Variants in NEBL observed in about 807,000 individuals in gnomAD.
NEBL encodes LIM and SH3 protein 2.
A neutral mutation model predicts 140.2 loss-of-function variants in NEBL; 122 were observed. The ratio of observed to expected loss-of-function variants is 0.87; its 90% confidence interval spans 0.75 to 1.01. NEBL has a LOEUF of 1.01. Among genes scored for constraint, NEBL ranks in the 50% least tolerant of loss-of-function variants. The pLI is 0.00. For missense variants in NEBL, 1,365 were observed against 1,231.3 expected (o/e 1.11, Z -1.62); for synonymous variants, 436 against 398.9 (o/e 1.09, Z -1.11).
intron 2 of NEBL, chr10:21,029,453 G>C (rs1172992794): frequency 1.2e-5 from 20 of 1,611,480 alleles, no homozygotes; most frequent in Non-Finnish European, 1.5e-5. Context: ...TCCCTGCTCA[G>C]TGCCCTGAGT....
intron 3 of NEBL, among the ~76,000 whole-genome samples, chr10:21,229,631 A>G (rs1260329661): frequency 6.6e-6 from 1 of 152,188 alleles, no homozygotes; most frequent in African/African-American, 2.4e-5. Flanking sequence ...TATTTTCAAC[A>G]GTTTTTATTC....
chr10:20,828,765 C>CAGAGAG (rs10631047), intron 16 of NEBL, 131 bp from the exon 17 acceptor site: 4 of 598,770 alleles, frequency 6.7e-6, no homozygotes, highest in South Asian at 1.9e-5. Context: ...CTTACACTCC[C>CAGAGAG]AGAGAGAGAG....
chr10:21,229,746 G>A (rs1361826135), intron 3 of NEBL, among the ~76,000 whole-genome samples: 1 of 152,154 alleles, frequency 6.6e-6, no homozygotes, highest in Non-Finnish European at 1.5e-5. Flanking sequence ...TTTCAGTCAC[G>A]TCTCTGTAAC....
At chr10:21,031,187 T>C (rs1428621083) in intron 2 of NEBL, among the ~76,000 whole-genome samples, 2 of 151,970 alleles carry the variant, frequency 1.3e-5, no homozygotes, top group Non-Finnish European at 2.9e-5. Flanking sequence ...GTCACTAGGG[T>C]GGAGGCAGAG....
intron 3 of NEBL, among the ~76,000 whole-genome samples, chr10:20,979,088 G>C (rs1011775925): frequency 6.6e-6 from 1 of 152,122 alleles, no homozygotes. Flanking sequence ...AAGCAAGCTG[G>C]AGGATAAATA....
chr10:20,810,697 A>G lies in NEBL; in HGVS notation c.2519-799T>C, dbSNP rs147624038. Among the ~76,000 whole-genome samples, 300 of 152,352 alleles carry G rather than the reference A, an allele frequency of 2.0e-3. 1 individual carries two copies. Among genetic ancestry groups the G allele is most frequent in the African/African-American group, 7.0e-3 (291 of 41,582 alleles). Reference sequence around the variant, plus strand: ...CAACAAAAGGGCATCAGATCCTAAAATAAGCTGTTTACAGCTGTACCAACA... The same window carrying G: ...CAACAAAAGGGCATCAGATCCTAAAGTAAGCTGTTTACAGCTGTACCAACA... On this transcript the variant is annotated intron_variant, in intron 24 of 27. Coordinates refer to ENST00000377122, the MANE Select transcript of NEBL (RefSeq NM_006393.3).
At chr10:21,066,827 T>C (rs1397252399) in intron 2 of NEBL, among the ~76,000 whole-genome samples, 1 of 140,814 alleles carries the variant, frequency 7.1e-6, no homozygotes, top group East Asian at 2.1e-4. Flanking sequence ...TGTTCTGCGG[T>C]TTTTCTATTT....
intron 26 of NEBL, among the ~76,000 whole-genome samples, chr10:20,791,595 A>T (rs1328861306): frequency 6.6e-6 from 1 of 151,708 alleles, no homozygotes; most frequent in Non-Finnish European, 1.5e-5. Flanking sequence ...GGATCTTGCT[A>T]CATTGCCCAA....
At chr10:21,031,787 C>G (rs1833806070) in intron 2 of NEBL, among the ~76,000 whole-genome samples, 1 of 152,234 alleles carries the variant, frequency 6.6e-6, no homozygotes, top group Admixed American at 6.5e-5. Flanking sequence ...TCCTGGGCCT[C>G]CTTCACTCAC....
chr10:21,258,193 C>T (rs7905278), intron 1 of NEBL, among the ~76,000 whole-genome samples: 42,558 of 151,952 alleles, frequency 0.28, 7,972 homozygotes, highest in African/African-American at 0.53. Flanking sequence ...GAGGCTGAGG[C>T]GGGAGGATGG....
chr10:21,040,673 CT>C (rs965793819), intron 2 of NEBL, among the ~76,000 whole-genome samples: 26 of 149,960 alleles, frequency 1.7e-4, no homozygotes, highest in Middle Eastern at 3.4e-3. Flanking sequence ...AATCACATTT[CT>C]TTTTTTTTTC....
chr10:21,259,579 C>A (rs1564551273), intron 1 of NEBL, among the ~76,000 whole-genome samples: 2 of 152,288 alleles, frequency 1.3e-5, no homozygotes, highest in Middle Eastern at 6.8e-3. Flanking sequence ...CAAGCCCCAC[C>A]CTTACCCGTA....
intron 26 of NEBL, among the ~76,000 whole-genome samples, chr10:20,791,963 C>A (rs1430019595): frequency 6.6e-6 from 1 of 151,810 alleles, no homozygotes; most frequent in Non-Finnish European, 1.5e-5. Flanking sequence ...CTTTACAGAA[C>A]AAAATACAAC....
At chr10:20,983,873 A>T (rs1837149506) in intron 3 of NEBL, among the ~76,000 whole-genome samples, 1 of 152,238 alleles carries the variant, frequency 6.6e-6, no homozygotes, top group African/African-American at 2.4e-5. Flanking sequence ...ACTTTAGTTA[A>T]TCAAGTCCTA....
intron 3 of NEBL, among the ~76,000 whole-genome samples, chr10:21,237,983 C>T (rs1842382834): frequency 6.6e-6 from 1 of 152,170 alleles, no homozygotes; most frequent in South Asian, 2.1e-4. Flanking sequence ...ATCTATAAAC[C>T]TTTGAGCAAA....
At chr10:20,881,109 T>G (rs906253762) in intron 4 of NEBL, among the ~76,000 whole-genome samples, 4 of 152,230 alleles carry the variant, frequency 2.6e-5, no homozygotes, top group African/African-American at 9.6e-5. Flanking sequence ...TGTTGTTTAC[T>G]TCAAAATGTC....
At chr10:21,070,380 C>G (rs1005949922) in intron 2 of NEBL, among the ~76,000 whole-genome samples, 5 of 152,134 alleles carry the variant, frequency 3.3e-5, no homozygotes, top group Non-Finnish European at 7.4e-5. Context: ...TAATGTAAGA[C>G]TCTCCAAGAT....
intron 7 of NEBL, among the ~76,000 whole-genome samples, chr10:20,861,801 A>G (rs1441199372): frequency 1.3e-5 from 2 of 152,182 alleles, no homozygotes; most frequent in Non-Finnish European, 2.9e-5. Context: ...TAAACCTTGC[A>G]TATGCTCTCC....
chr10:21,234,010 G>GATAC (rs1421836343), intron 3 of NEBL, among the ~76,000 whole-genome samples: 1 of 126,662 alleles, frequency 7.9e-6, no homozygotes, highest in African/African-American at 2.8e-5. Context: ...GAGATTGTGA[G>GATAC]ATAGATAGAT....
Sources: gnomAD v4.1 joint callset for allele counts (sites outside exome capture counted in the v4.1 genomes callset) on GRCh38, gnomAD v4.1.1 for gene constraint, MANE v1.5 for transcripts, NCBI Gene and HGNC (gene_info 2026-07-23, HGNC 2026-07-21) for gene names.